Variants in OSBPL9 observed in about 807,000 individuals in gnomAD.
OSBPL9 encodes the protein oxysterol-binding protein-related protein 9.
Under a neutral mutation model 106.6 loss-of-function variants are expected in OSBPL9, and 40 were observed. That is an observed-to-expected ratio of 0.38 (90% CI 0.29 to 0.49). The LOEUF (loss-of-function observed/expected upper bound fraction) is 0.49, where lower values mean the gene tolerates loss of function less well. Among genes scored for constraint, OSBPL9 ranks in the 20% least tolerant of loss-of-function variants. The pLI is 0.97. For missense variants in OSBPL9, 609 were observed against 887.2 expected (o/e 0.69, Z 3.98); for synonymous variants, 269 against 295.4 (o/e 0.91, Z 0.92).
chr1:51,612,006 A>G (rs1643991617), intron 2 of OSBPL9, among the ~76,000 whole-genome samples: 1 of 152,152 alleles, frequency 6.6e-6, no homozygotes, highest in Admixed American at 6.5e-5. Context: ...ACATACATAC[A>G]AAACAAAACT....
chr1:51,567,628 T>C, the OSBPL9 span: 1 of 152,260 alleles, frequency 6.6e-6, no homozygotes, highest in Non-Finnish European at 1.5e-5. Context: ...TCTCTAGATC[T>C]ACTTTTTAAC....
At chr1:51,590,619 CAAA>C (rs572208174) in intron 1 of OSBPL9, among the ~76,000 whole-genome samples, 4 of 53,186 alleles carry the variant, frequency 7.5e-5, no homozygotes, top group Non-Finnish European at 7.6e-5. Context: ...GACTCCGTCT[CAAA>C]AAAAAAAAAA....
At chr1:51,606,036 GGAAA>G (rs1204987205) in intron 2 of OSBPL9, among the ~76,000 whole-genome samples, 1 of 151,706 alleles carries the variant, frequency 6.6e-6, no homozygotes, top group Non-Finnish European at 1.5e-5. Context: ...AGGAAAGAAA[GGAAA>G]GAAAGAAAGA....
chr1:51,778,799 C>T (rs1201855291), intron 15 of OSBPL9, among the ~76,000 whole-genome samples: 3 of 152,084 alleles, frequency 2.0e-5, no homozygotes, highest in Non-Finnish European at 2.9e-5. Context: ...ACCCAGTTGG[C>T]CTTTCTAAAC....
intron 15 of OSBPL9, 50 bp from the exon 16 acceptor site, chr1:51,781,114 T>G: frequency 6.3e-7 from 1 of 1,575,434 alleles, no homozygotes; most frequent in Non-Finnish European, 8.7e-7. Context: ...TGCATCATCT[T>G]GTCTTGTACC....
chr1:51,542,643 C>T, the OSBPL9 span, among the ~76,000 whole-genome samples: 8,991 of 152,264 alleles, frequency 0.059, 385 homozygotes, highest in Non-Finnish European at 0.093. Context: ...TTTATACATA[C>T]TCTCTCAATT....
chr1:51,750,589 G>A (rs1473366810), intron 8 of OSBPL9, among the ~76,000 whole-genome samples: 4 of 151,940 alleles, frequency 2.6e-5, no homozygotes, highest in Non-Finnish European at 5.9e-5. Context: ...AAATTTTTAC[G>A]GATTTTTTTC....
At chr1:51,775,674 A>C (rs1674898381) in intron 14 of OSBPL9, among the ~76,000 whole-genome samples, 1 of 152,018 alleles carries the variant, frequency 6.6e-6, no homozygotes, top group Non-Finnish European at 1.5e-5. Flanking sequence ...ATAGTGGTGC[A>C]ATCTTGGCTC....
At chr1:51,761,764 A>G in intron 10 of OSBPL9, 103 bp from the exon 11 acceptor site, 8 of 895,084 alleles carry the variant, frequency 8.9e-6, no homozygotes, top group Non-Finnish European at 1.5e-5. Flanking sequence ...ATAAAGTTTC[A>G]AAAATTACTG....
At chr1:51,535,625 T>C in the OSBPL9 span, among the ~76,000 whole-genome samples, 4 of 151,984 alleles carry the variant, frequency 2.6e-5, no homozygotes, top group African/African-American at 9.7e-5. Flanking sequence ...TGGGCTGATG[T>C]TGGCTCATTT....
Position 51,739,610 on chromosome 1 carries a change from C to T in OSBPL9, c.319-5926C>T, listed in dbSNP as rs552700676. On this transcript the variant is annotated intron_variant, in intron 4 of 23. Coordinates refer to ENST00000428468, the MANE Select transcript of OSBPL9 (RefSeq NM_024586.6). ...GTGAAAGGAAAGGTTTAATACTAGG[C>T]TCAATTTTATGGATATTTTTTAATT... Among the ~76,000 whole-genome samples, 59 of 152,008 alleles carry T rather than the reference C, an allele frequency of 3.9e-4. No homozygotes were observed. The South Asian group carries it at 4.4e-3, about 11-fold the overall frequency.
intron 3 of OSBPL9, among the ~76,000 whole-genome samples, chr1:51,704,852 A>G (rs1658093803): frequency 6.6e-6 from 1 of 152,186 alleles, no homozygotes; most frequent in Non-Finnish European, 1.5e-5. Flanking sequence ...ACTCCATGGC[A>G]CTGAGGTTCA....
At chr1:51,673,904 T>A (rs998602198) in intron 3 of OSBPL9, among the ~76,000 whole-genome samples, 5 of 148,618 alleles carry the variant, frequency 3.4e-5, no homozygotes, top group Admixed American at 3.3e-4. Context: ...TTTTTTTTTT[T>A]AATCTGTAGG....
chr1:51,669,548 C>T (rs773723566), intron 3 of OSBPL9, 36 bp downstream of exon 3: 7 of 1,585,432 alleles, frequency 4.4e-6, no homozygotes, highest in Non-Finnish European at 5.2e-6. Flanking sequence ...TCTTCATAGT[C>T]CCATCTGCTT....
At chr1:51,766,573 G>T (rs1672599103) in intron 12 of OSBPL9, among the ~76,000 whole-genome samples, 1 of 152,104 alleles carries the variant, frequency 6.6e-6, no homozygotes, top group Non-Finnish European at 1.5e-5. Context: ...CAGTAATCTA[G>T]GTAGCTTATA....
chr1:51,672,513 G>A (rs1365530079), intron 3 of OSBPL9, among the ~76,000 whole-genome samples: 5 of 151,712 alleles, frequency 3.3e-5, no homozygotes, highest in Non-Finnish European at 7.4e-5. Flanking sequence ...CCCGGCCCCA[G>A]GCAACTACTT....
chr1:51,727,788 A>G (rs1435443235), intron 4 of OSBPL9, among the ~76,000 whole-genome samples: 4 of 152,194 alleles, frequency 2.6e-5, no homozygotes, highest in Non-Finnish European at 5.9e-5. Context: ...ACTTGAGCCC[A>G]GGAGTTTGAG....
intron 1 of OSBPL9, among the ~76,000 whole-genome samples, chr1:51,590,632 A>G (rs1404624277): frequency 1.3e-5 from 2 of 151,350 alleles, no homozygotes; most frequent in African/African-American, 2.4e-5. Context: ...AAAAAAAAAA[A>G]AAAGAAAAAA....
intron 14 of OSBPL9, 40 bp from the exon 15 acceptor site, chr1:51,776,793 G>T: frequency 3.5e-5 from 43 of 1,226,590 alleles, no homozygotes; most frequent in Non-Finnish European, 5.1e-5. Flanking sequence ...TATCTGAAGA[G>T]AAATTTGATC....
Sources: gnomAD v4.1 joint callset for allele counts (sites outside exome capture counted in the v4.1 genomes callset) on GRCh38, gnomAD v4.1.1 for gene constraint, MANE v1.5 for transcripts, NCBI Gene and HGNC (gene_info 2026-07-23, HGNC 2026-07-21) for gene names.